Variants in JAK1 observed in about 807,000 individuals in gnomAD.
The protein encoded by JAK1 is tyrosine-protein kinase JAK1.
In JAK1, 16 loss-of-function variants were observed where a neutral mutation model predicts 136.6. That is an observed-to-expected ratio of 0.12 (90% CI 0.08 to 0.18). The LOEUF is 0.18. Ranked by LOEUF, JAK1 falls within the 10% of genes least tolerant of loss-of-function variation. The pLI, the probability that JAK1 is intolerant of heterozygous loss-of-function variation, is 1.00. For missense variants in JAK1, 859 were observed against 1,450.1 expected (o/e 0.59, Z 6.62); for synonymous variants, 492 against 519.5 (o/e 0.95, Z 0.72).
At position 64,855,705 on chromosome 1, in the gene JAK1, G is replaced by A. The variant is rs310229; in HGVS notation, c.1459-7C>T. Reference sequence around the variant, plus strand: ...TCTGGGCACCCTGCACCTGCTATTCGGGAAATGACCAGAAATTACATGTTT... The same window carrying A: ...TCTGGGCACCCTGCACCTGCTATTCAGGAAATGACCAGAAATTACATGTTT... On this transcript the variant is annotated splice_polypyrimidine_tract_variant and splice_region_variant and intron_variant, in intron 10 of 24. Transcript: ENST00000342505. 519,717 of 1,606,088 alleles carry A rather than the reference G, an allele frequency of 0.32. 88,904 individuals are homozygous for A. The highest frequency in any genetic ancestry group is 0.59 in the African/African-American group (44,010 of 74,718).
rs1645125368 is a variant in JAK1, at chr1:64,902,580, G to GAT, written c.-77-16240_-77-16239insAT. Among the ~76,000 whole-genome samples, 4 of 91,940 alleles carry GAT rather than the reference G, an allele frequency of 4.4e-5. No individual in the cohort carries two copies. The South Asian group carries it at 1.5e-3, about 35-fold the overall frequency. The allele number at this position is 91,940 out of a possible 152,430, so 60.3% of individuals were successfully genotyped here. A position where few individuals can be genotyped will look rare whatever the true frequency, so the allele number is the denominator to read the frequency against. ...AGAGAGAGAGAGAGAGAGAGAGAGA[G>GAT]AGAGTGTGTGTGTGTGTGTGTGTGT... On this transcript the variant is annotated intron_variant, in intron 1 of 24. Coordinates refer to ENST00000342505, the MANE Select transcript of JAK1 (RefSeq NM_002227.4).
chr1:64,924,695 T>C (rs1645552805), intron 1 of JAK1, among the ~76,000 whole-genome samples: 1 of 152,174 alleles, frequency 6.6e-6, no homozygotes, highest in African/African-American at 2.4e-5. Flanking sequence ...AGAATCAGTA[T>C]CTTCAGCAAA....
intron 2 of JAK1, chr1:64,985,112 C>A: frequency 9.4e-7 from 1 of 1,065,132 alleles, no homozygotes. Flanking sequence ...TTCTTACTGC[C>A]CTTTCCACTA....
At chr1:64,974,164 C>G (rs1646478517) in intron 2 of JAK1, 1 of 152,068 alleles carries the variant, frequency 6.6e-6, no homozygotes, top group Non-Finnish European at 1.5e-5. Flanking sequence ...TGGTATTGTC[C>G]TAAAATCATT....
intron 7 of JAK1, among the ~76,000 whole-genome samples, chr1:64,866,298 C>T (rs190217113): frequency 6.6e-6 from 1 of 152,196 alleles, no homozygotes; most frequent in African/African-American, 2.4e-5. Context: ...ACCCCGTCGA[C>T]GTGGGTCTAA....
At chr1:64,866,710 C>T (rs528342208) in intron 7 of JAK1, among the ~76,000 whole-genome samples, 156 bp downstream of exon 7, 1 of 152,240 alleles carries the variant, frequency 6.6e-6, no homozygotes, top group African/African-American at 2.4e-5. Flanking sequence ...CCTTGTGCTA[C>T]AGGGATGAAA....
intron 1 of JAK1, among the ~76,000 whole-genome samples, chr1:65,066,069 GGACT>G (rs1487931436): frequency 1.3e-5 from 2 of 152,076 alleles, no homozygotes; most frequent in Non-Finnish European, 2.9e-5. Context: ...ATTGCGGAGA[GGACT>G]AACTAAGAAC....
chr1:64,913,655 A>AAGGAAGGAAG (rs1553168149), intron 1 of JAK1, among the ~76,000 whole-genome samples: 28 of 34,482 alleles, frequency 8.1e-4, no homozygotes, highest in East Asian at 1.8e-3. Context: ...AAGGAAGGAA[A>AAGGAAGGAAG]GAAGGAAGGA....
At position 64,833,761 on chromosome 1, in the gene JAK1, A is replaced by T. The variant is rs2100919934; in HGVS notation, c.*801T>A. On this transcript the variant is annotated 3_prime_UTR_variant, in exon 25 of 25. Transcript: ENST00000342505. ...AAGTGGTAGAGTTATAAAAGGATAT[A>T]CATTGACGTTTCTTAAAAGCATGTG... is the stretch of plus-strand genomic sequence containing the variant. 4.3e-6 allele frequency: 1 copy of T among 233,076 alleles called. No homozygotes were observed. Among genetic ancestry groups the T allele is most frequent in the South Asian group, 1.8e-4 (1 of 5,528 alleles). The allele number at this position is 233,076 out of a possible 1,614,324, so 14.4% of individuals were successfully genotyped here. A position where few individuals can be genotyped will look rare whatever the true frequency, so the allele number is the denominator to read the frequency against.
At chr1:64,928,786 A>AAAACAAAAAC (rs1645630509) in intron 1 of JAK1, among the ~76,000 whole-genome samples, 2 of 117,912 alleles carry the variant, frequency 1.7e-5, no homozygotes, top group South Asian at 5.5e-4. Context: ...TGCAAAAAAA[A>AAAACAAAAAC]AAAAAAAAAA....
At chr1:64,966,205 AG>A (rs1254551998) in intron 1 of JAK1, 127 bp downstream of exon 1, 1 of 151,712 alleles carries the variant, frequency 6.6e-6, no homozygotes, top group Non-Finnish European at 1.5e-5. Flanking sequence ...GCTCAGGAGC[AG>A]CCCGGGCCGC....
intron 2 of JAK1, among the ~76,000 whole-genome samples, chr1:65,043,700 A>ATTTTTTTTTTTTTTTT (rs112982943): frequency 9.9e-6 from 1 of 101,264 alleles, no homozygotes; most frequent in Non-Finnish European, 2.1e-5. Context: ...CACCTGGCTA[A>ATTTTTTTTTTTTTTTT]TTTTTTTTTT....
chr1:64,860,412 T>TTGCA lies in JAK1; in HGVS notation c.1177-154_1177-151dup, dbSNP rs200014012. ...TTTTCATCAATACTAAATATACCCCTTGCATGCATTTATTTATTTATTTAT... is the reference window on the plus strand; with the variant it reads ...TTTTCATCAATACTAAATATACCCCTTGCATGCATGCATTTATTTATTTATTTAT... On this transcript the variant is annotated intron_variant, in intron 8 of 24. Transcript: ENST00000342505. 1.4e-3 allele frequency: 320 copies of TTGCA among 222,654 alleles called. 1 individual carries two copies. Among genetic ancestry groups the TTGCA allele is most frequent in the South Asian group, 4.7e-3 (18 of 3,830 alleles). The allele number at this position is 222,654 out of a possible 1,614,324, so 13.8% of individuals were successfully genotyped here. A position where few individuals can be genotyped will look rare whatever the true frequency, so the allele number is the denominator to read the frequency against.
intron 10 of JAK1, among the ~76,000 whole-genome samples, chr1:64,856,366 G>A (rs1570645571): frequency 2.0e-5 from 3 of 152,180 alleles, no homozygotes; most frequent in African/African-American, 7.2e-5. Flanking sequence ...CAAAATCTCA[G>A]TTACTTCATC....
chr1:65,038,963 T>TG (rs56790630), intron 2 of JAK1, among the ~76,000 whole-genome samples: 49 of 149,470 alleles, frequency 3.3e-4, no homozygotes, highest in African/African-American at 8.4e-4. Flanking sequence ...TGTGTGTGTG[T>TG]TTGTGTGTGT....
In JAK1 at chr1:64,839,769, G is replaced by A. The variant is rs751782341; in HGVS notation, c.2676C>T (p.Cys892=). The change falls in exon 20 of 25, where the codon TGC becomes TGT. Residue 892 remains cysteine, a synonymous_variant. Transcript: ENST00000342505. ...GEGHFGKVEL[C]RYDPEGDNTG... ...TATTGTCCCCTTCGGGGTCATACCT[G>A]CAGAGCTCAACCTTCCCAAAGTGGC... is the stretch of plus-strand genomic sequence containing the variant. 5.0e-6 allele frequency: 8 copies of A among 1,611,952 alleles called. No homozygotes were observed. In the Admixed American group the frequency reaches 8.4e-5, roughly 17 times the overall value.
At position 64,844,141 on chromosome 1, in the gene JAK1, T is replaced by C; in HGVS notation, c.2326A>G (p.Lys776Glu). The C allele has an allele frequency of 6.2e-7, 1 of 1,614,208 alleles. No homozygotes were observed. The highest frequency in any genetic ancestry group is 8.5e-7 in the Non-Finnish European group (1 of 1,180,030). Residue 776 changes from lysine (K) to glutamate (E), a missense_variant, in exon 17 of 25, where the codon AAG (lysine) becomes GAG (glutamate). Physicochemically the swap from Lys to Glu is moderately conservative, Grantham distance 56 (BLOSUM62 1). This residue lies in a region of JAK1 where 409 missense variants were observed against 753.8 expected (regional missense o/e 0.54). Coordinates refer to ENST00000342505, the MANE Select transcript of JAK1 (RefSeq NM_002227.4). This position sits in a 1 kb window ranked among gnomAD's most constrained non-coding sequence, Gnocchi z 5.7. Reference protein sequence around the residue: ...DSKNLSVAADKWSFGTTLWEI... With the variant: ...DSKNLSVAADEWSFGTTLWEI... ...CAGAGCGTGGTTCCAAAGCTCCACT[T>C]GTCAGCAGCCACACTCAGGTTCTTG...
At chr1:64,867,247 C>A (rs1203244185) in intron 6 of JAK1, 39 bp from the exon 7 acceptor site, 3 of 1,428,798 alleles carry the variant, frequency 2.1e-6, no homozygotes, top group Non-Finnish European at 2.9e-6. Flanking sequence ...TTTTCATGTA[C>A]AGGTTAGGAG....
rs987164613 is a variant in JAK1 at position 64,893,019 on chromosome 1, A to T, written c.-77-6678T>A. The stretch of plus-strand genomic sequence containing the variant: ...ACAGACACTGAGAACCATGGGAGTC[A>T]AAAACAGAGGACACAAGGGCCATGC... On this transcript the variant is annotated intron_variant, in intron 1 of 24. Coordinates refer to ENST00000342505, the MANE Select transcript of JAK1 (RefSeq NM_002227.4). Among the ~76,000 whole-genome samples the T allele has an allele frequency of 3.9e-5, 6 of 152,316 alleles. No individual in the cohort carries two copies. In the South Asian group the frequency reaches 1.2e-3, roughly 32 times the overall value.
Sources: gnomAD v4.1 joint callset for allele counts (sites outside exome capture counted in the v4.1 genomes callset) on GRCh38, gnomAD v4.1.1 for gene constraint, gnomAD v4.1.1 regional missense constraint, Gnocchi (gnomAD v3.1) non-coding constraint, MANE v1.5 for transcripts, NCBI Gene and HGNC (gene_info 2026-07-23, HGNC 2026-07-21) for gene names.